Variants in SLC14A2 observed in about 807,000 individuals in gnomAD.
SLC14A2 encodes urea transporter 2.
Under a neutral mutation model 104.6 loss-of-function variants are expected in SLC14A2, and 91 were observed. The ratio of observed to expected loss-of-function variants is 0.87; its 90% CI spans 0.73 to 1.04. The LOEUF is 1.04. Among genes scored for constraint, SLC14A2 ranks in the 50% least tolerant of loss-of-function variants. The pLI is 0.00. For synonymous variants in SLC14A2, 476 were observed against 466.4 expected (o/e 1.02, Z -0.27); for missense variants, 1,189 against 1,156.0 (o/e 1.03, Z -0.41).
intron 10 of SLC14A2, 111 bp downstream of exon 10, chr18:45,644,271 T>G: frequency 9.3e-7 from 1 of 1,072,786 alleles, no homozygotes; most frequent in Non-Finnish European, 1.4e-6. Flanking sequence ...TTGCCTCTCC[T>G]TGCACCTGTG....
rs374567850 is a variant in SLC14A2, at chr18:45,422,997, G to A, written c.-124-60236G>A. On this transcript the variant is annotated intron_variant, in intron 1 of 20. Transcript: ENST00000586448. ...TTCCACTATCTTACTTTTCTACCTC[G>A]TTAAGGACAGGAGCCCCTCCATTAG... is the stretch of plus-strand genomic sequence containing the variant. Among the ~76,000 whole-genome samples the A allele has an allele frequency of 6.5e-4, 99 of 152,104 alleles. 1 individual carries two copies. The South Asian group carries it at 0.019, about 29-fold the overall frequency.
At chr18:45,601,920 G>A (rs1047568314) in intron 2 of SLC14A2, among the ~76,000 whole-genome samples, 4 of 152,226 alleles carry the variant, frequency 2.6e-5, no homozygotes, top group Non-Finnish European at 5.9e-5. Context: ...GGCAGGACTG[G>A]CTGAAAGATG....
chr18:45,503,745 C>T (rs1403338489), intron 2 of SLC14A2, among the ~76,000 whole-genome samples: 1 of 151,928 alleles, frequency 6.6e-6, no homozygotes, highest in East Asian at 1.9e-4. Flanking sequence ...TTGCTAATGG[C>T]TTAAAAATAA....
At chr18:45,610,782 G>A (rs577501297), upstream of SLC14A2, among the ~76,000 whole-genome samples, 1 of 152,152 alleles carries the variant, frequency 6.6e-6, no homozygotes, top group African/African-American at 2.4e-5. Context: ...CTTTCACCTA[G>A]AGGTTTGTTT....
chr18:45,210,117 T>C (rs2083949846), upstream of SLC14A2, among the ~76,000 whole-genome samples: 1 of 152,214 alleles, frequency 6.6e-6, no homozygotes, highest in Non-Finnish European at 1.5e-5. Flanking sequence ...GGAAGGATGC[T>C]AGGCTTTTAT....
chr18:45,404,065 G>A (rs924248702), intron 1 of SLC14A2, among the ~76,000 whole-genome samples: 1 of 152,154 alleles, frequency 6.6e-6, no homozygotes, highest in Non-Finnish European at 1.5e-5. Flanking sequence ...ATCTTTAGCT[G>A]GTTAACTGAG....
chr18:45,383,452 A>C (rs1391219407), intron 1 of SLC14A2, among the ~76,000 whole-genome samples: 1 of 152,048 alleles, frequency 6.6e-6, no homozygotes, highest in Non-Finnish European at 1.5e-5. Context: ...AGAGTAACCC[A>C]CTCAGCCCAT....
intron 2 of SLC14A2, among the ~76,000 whole-genome samples, chr18:45,523,645 A>C (rs542237328): frequency 1.3e-5 from 2 of 151,262 alleles, no homozygotes; most frequent in Non-Finnish European, 3.0e-5. Context: ...ACTAGTTATC[A>C]TTCTTTAACC....
At chr18:45,630,622 C>G (rs1304817129) in intron 4 of SLC14A2, among the ~76,000 whole-genome samples, 2 of 152,130 alleles carry the variant, frequency 1.3e-5, no homozygotes, top group Admixed American at 1.3e-4. Flanking sequence ...GGTGGGACAG[C>G]TATTGGTATT....
chr18:45,430,657 G>T (rs971931134), intron 1 of SLC14A2, among the ~76,000 whole-genome samples: 2 of 151,842 alleles, frequency 1.3e-5, no homozygotes, highest in Admixed American at 6.6e-5. Flanking sequence ...CTCAGTGCAA[G>T]CTCCACCTCC....
chr18:45,339,128 T>A (rs929590223), intron 1 of SLC14A2, among the ~76,000 whole-genome samples: 2 of 152,102 alleles, frequency 1.3e-5, no homozygotes, highest in African/African-American at 4.8e-5. Flanking sequence ...TTGTTGTTAT[T>A]TGTTTGTTTG....
chr18:45,666,337 T>C (rs2046023660), intron 12 of SLC14A2, 118 bp downstream of exon 12: 1 of 661,482 alleles, frequency 1.5e-6, no homozygotes, highest in Non-Finnish European at 2.7e-6. Context: ...TTTCTTGCAT[T>C]CGTATTTTCT....
chr18:45,377,303 T>A (rs567500110), intron 1 of SLC14A2, among the ~76,000 whole-genome samples: 15 of 152,108 alleles, frequency 9.9e-5, no homozygotes, highest in African/African-American at 3.6e-4. Flanking sequence ...ACAGATATTC[T>A]CCCCAAATCT....
chr18:45,194,532 A>T, the SLC14A2 span, among the ~76,000 whole-genome samples: 1 of 152,086 alleles, frequency 6.6e-6, no homozygotes, highest in African/African-American at 2.4e-5. Context: ...TTGCATGCTC[A>T]GGGTAAACTC....
intron 2 of SLC14A2, among the ~76,000 whole-genome samples, chr18:45,582,424 A>G (rs939945908): frequency 6.6e-6 from 1 of 152,232 alleles, no homozygotes; most frequent in Non-Finnish European, 1.5e-5. Flanking sequence ...ATGTACAGAT[A>G]AGAAAGGATT....
At chr18:45,397,241 C>T (rs2086044698) in intron 1 of SLC14A2, among the ~76,000 whole-genome samples, 1 of 152,164 alleles carries the variant, frequency 6.6e-6, no homozygotes, top group Admixed American at 6.6e-5. Flanking sequence ...AATTGCCATA[C>T]TGCTTTCCAC....
At chr18:45,209,134 A>G (rs1424876539), upstream of SLC14A2, among the ~76,000 whole-genome samples, 3 of 149,080 alleles carry the variant, frequency 2.0e-5, no homozygotes, top group South Asian at 2.2e-4. Context: ...CAGTAGATCG[A>G]GACCACACTG....
chr18:45,448,650 T>A (rs1297190795), intron 1 of SLC14A2, among the ~76,000 whole-genome samples: 2 of 152,158 alleles, frequency 1.3e-5, no homozygotes, highest in African/African-American at 4.8e-5. Flanking sequence ...CCCTTGTCCC[T>A]CCATCCAGAA....
intron 2 of SLC14A2, among the ~76,000 whole-genome samples, chr18:45,577,504 G>A (rs950254307): frequency 6.6e-6 from 1 of 152,020 alleles, no homozygotes; most frequent in African/African-American, 2.4e-5. Flanking sequence ...TTTCATAATA[G>A]AGTATTCACA....
Sources: gnomAD v4.1 joint callset for allele counts (sites outside exome capture counted in the v4.1 genomes callset) on GRCh38, gnomAD v4.1.1 for gene constraint, MANE v1.5 for transcripts, NCBI Gene and HGNC (gene_info 2026-07-23, HGNC 2026-07-21) for gene names.